KIAA0319: variants seen among roughly 807,000 people sequenced by gnomAD.
The protein encoded by KIAA0319 is KIAA0319.
A neutral mutation model predicts 108.4 loss-of-function variants in KIAA0319; 83 were observed. The ratio of observed to expected loss-of-function variants is 0.77; its 90% confidence interval spans 0.64 to 0.92. The LOEUF is 0.92. KIAA0319 is among the 40% of genes least tolerant of loss of function. The pLI is 0.00. For missense variants in KIAA0319, 1,195 were observed against 1,322.4 expected (o/e 0.90, Z 1.49); for synonymous variants, 484 against 510.4 (o/e 0.95, Z 0.70).
chr6:24,551,526 C>G lies in KIAA0319; in HGVS notation c.2949-1G>C, dbSNP rs542002661. ...TTTCCTGATTTTAGTCCTTTTTTGT[C>G]TGAAAGGAACAATGAAAAGCTCAAC... On this transcript the variant is annotated splice_acceptor_variant, in intron 19 of 20. Transcript: ENST00000378214. LOFTEE classifies it high-confidence loss of function. The G allele has an allele frequency of 1.1e-5, 18 of 1,578,628 alleles. No individual in the cohort carries two copies. The South Asian group carries it at 2.0e-4, about 17-fold the overall frequency.
chr6:24,644,182 C>T (rs1290546412), intron 1 of KIAA0319, among the ~76,000 whole-genome samples: 2 of 152,146 alleles, frequency 1.3e-5, no homozygotes, highest in African/African-American at 4.8e-5. Flanking sequence ...TGGTCCCCGT[C>T]TGAGTGAGTG....
In KIAA0319 at chr6:24,564,262, G is replaced by GCAAGTGGAAAGTGTACACCCC. The variant is rs1561941377; in HGVS notation, c.2350_2370dup (p.Gly784_Leu790dup). On this transcript the variant is annotated inframe_insertion, in exon 15 of 21. Transcript: ENST00000378214. ...GAGGCCCCCTGACTGTCGGTGACTC[G>GCAAGTGGAAAGTGTACACCCC]CAAGTGGAAAGTGTACACCCCCTCC... The GCAAGTGGAAAGTGTACACCCC allele has an allele frequency of 3.1e-6, 5 of 1,614,080 alleles. No individual in the cohort carries two copies. The highest frequency in any genetic ancestry group is 4.2e-6 in the Non-Finnish European group (5 of 1,179,990).
chr6:24,639,718 C>T (rs1406923311), intron 1 of KIAA0319, among the ~76,000 whole-genome samples: 3 of 151,778 alleles, frequency 2.0e-5, no homozygotes, highest in Admixed American at 2.0e-4. Context: ...TGTGGTGGCA[C>T]GTGCCTATAG....
intron 14 of KIAA0319, 142 bp downstream of exon 14, chr6:24,566,455 C>A: frequency 1.5e-6 from 1 of 656,474 alleles, no homozygotes; most frequent in Non-Finnish European, 2.2e-6. Context: ...ATAATGGAGA[C>A]AAAATTAAGT....
At chr6:24,560,875 AG>A (rs1454450186) in intron 16 of KIAA0319, among the ~76,000 whole-genome samples, 1 of 152,162 alleles carries the variant, frequency 6.6e-6, no homozygotes, top group Non-Finnish European at 1.5e-5. Context: ...TAGGTACCAG[AG>A]GTTAGGGCTT....
intron 17 of KIAA0319, among the ~76,000 whole-genome samples, chr6:24,558,174 G>A (rs1000196396): frequency 1.3e-4 from 20 of 152,058 alleles, no homozygotes; most frequent in Non-Finnish European, 2.4e-4. Flanking sequence ...AAGCTGAGGT[G>A]GGTGGATCAC....
chr6:24,581,465 A>G (rs1005230467), intron 6 of KIAA0319, among the ~76,000 whole-genome samples: 1 of 152,124 alleles, frequency 6.6e-6, no homozygotes, highest in African/African-American at 2.4e-5. Flanking sequence ...CTGGTAGGAG[A>G]CTAGATCTCT....
intron 8 of KIAA0319, among the ~76,000 whole-genome samples, chr6:24,578,781 C>T (rs1306288742): frequency 6.6e-6 from 1 of 152,092 alleles, no homozygotes; most frequent in Admixed American, 6.6e-5. Context: ...GAAATTTAGA[C>T]CTGGAAAGGG....
At chr6:24,550,051 T>C (rs563219479) in intron 20 of KIAA0319, among the ~76,000 whole-genome samples, 14 of 152,360 alleles carry the variant, frequency 9.2e-5, no homozygotes, top group African/African-American at 3.4e-4. Flanking sequence ...ATAATACTTC[T>C]GATATTATGC....
At chr6:24,601,284 A>T in intron 1 of KIAA0319, 76 bp from the exon 2 acceptor site, 1 of 1,414,418 alleles carries the variant, frequency 7.1e-7, no homozygotes, top group Non-Finnish European at 9.2e-7. Flanking sequence ...TATTTCTATC[A>T]TTCATTCATG....
At chr6:24,594,642 C>CAAA (rs1554164544) in intron 3 of KIAA0319, among the ~76,000 whole-genome samples, 29 of 54,426 alleles carry the variant, frequency 5.3e-4, no homozygotes, top group African/African-American at 8.3e-4. Flanking sequence ...AAAAAAACAA[C>CAAA]AAAAAAAAAA....
In KIAA0319 at chr6:24,546,345, C is replaced by G. The variant is rs1760628560; in HGVS notation, c.*820G>C. On this transcript the variant is annotated 3_prime_UTR_variant, in exon 21 of 21. Transcript: ENST00000378214. ...TAATAAATGCTTAATGAATTAATCA[C>G]TTCTATTGCATTTAATGTAAACTGG... The G allele has an allele frequency of 6.6e-6, 1 of 152,036 alleles. No individual in the cohort carries two copies. The highest frequency in any genetic ancestry group is 1.5e-5 in the Non-Finnish European group (1 of 68,016). The allele number at this position is 152,036 out of a possible 1,614,324, so 9.4% of individuals were successfully genotyped here.
chr6:24,558,925 G>A, intron 17 of KIAA0319, 88 bp downstream of exon 17: 1 of 1,275,530 alleles, frequency 7.8e-7, no homozygotes, highest in Non-Finnish European at 1.1e-6. Context: ...AAGTGAAAAT[G>A]TTCACATGTC....
intron 1 of KIAA0319, among the ~76,000 whole-genome samples, chr6:24,643,504 G>T (rs1028501395): frequency 2.0e-5 from 3 of 151,874 alleles, no homozygotes; most frequent in Admixed American, 2.0e-4. Flanking sequence ...CTTCCTTGGG[G>T]GTATTAAGCT....
intron 16 of KIAA0319, 137 bp from the exon 17 acceptor site, chr6:24,559,292 ATC>A (rs1484214897): frequency 2.4e-6 from 2 of 838,824 alleles, no homozygotes; most frequent in Non-Finnish European, 3.6e-6. Flanking sequence ...ACAGGGGCGT[ATC>A]TGTGAGCCAA....
chr6:24,607,407 G>A (rs2127545263), intron 1 of KIAA0319, among the ~76,000 whole-genome samples: 1 of 150,510 alleles, frequency 6.6e-6, no homozygotes, highest in African/African-American at 2.4e-5. Flanking sequence ...AATTTTATCT[G>A]ATAAGTGACA....
intron 14 of KIAA0319, 43 bp from the exon 15 acceptor site, chr6:24,564,383 G>A (rs1478923677): frequency 6.2e-7 from 1 of 1,611,008 alleles, no homozygotes; most frequent in Non-Finnish European, 8.5e-7. Context: ...CAATCCTCGG[G>A]TCCCAATTTC....
chr6:24,642,068 A>AGG (rs1407749902), intron 1 of KIAA0319, among the ~76,000 whole-genome samples: 1 of 97,872 alleles, frequency 1.0e-5, no homozygotes, highest in Non-Finnish European at 2.1e-5. Flanking sequence ...AGGGGAGGGG[A>AGG]GGAAGGAGAG....
intron 5 of KIAA0319, 122 bp downstream of exon 5, chr6:24,583,481 AC>A (rs1766940751): frequency 1.4e-6 from 1 of 713,220 alleles, no homozygotes; most frequent in Admixed American, 2.8e-5. Context: ...CTTGTCCTCC[AC>A]CTTTGTTTGT....
Sources: gnomAD v4.1 joint callset for allele counts (sites outside exome capture counted in the v4.1 genomes callset) on GRCh38, gnomAD v4.1.1 for gene constraint, MANE v1.5 for transcripts, NCBI Gene and HGNC (gene_info 2026-07-23, HGNC 2026-07-21) for gene names.